VAC14: variants seen among roughly 807,000 people sequenced by gnomAD.
The protein encoded by VAC14 is protein VAC14 homolog.
In VAC14, 47 loss-of-function variants were observed where a neutral mutation model predicts 85.3. That is an observed-to-expected ratio of 0.55 (90% CI 0.44 to 0.70). VAC14 has a LOEUF of 0.70. Among genes scored for constraint, VAC14 ranks in the 30% least tolerant of loss-of-function variants. The probability of loss-of-function intolerance (pLI) is 0.00; values close to 1 mark genes in which losing one functional copy is unlikely to be tolerated. For synonymous variants in VAC14, 447 were observed against 430.5 expected, an observed-to-expected ratio of 1.04 and a Z score of -0.47; for missense variants, 861 against 1,004.3, an observed-to-expected ratio of 0.86 and a Z score of 1.93.
intron 15 of VAC14, among the ~76,000 whole-genome samples, chr16:70,697,492 G>A (rs1445036633): frequency 6.6e-6 from 1 of 152,246 alleles, no homozygotes; most frequent in Non-Finnish European, 1.5e-5. Context: ...GTGGCTGCGA[G>A]GGCCTGGCTG....
intron 10 of VAC14, among the ~76,000 whole-genome samples, chr16:70,767,616 C>A (rs2032917284): frequency 1.3e-5 from 2 of 152,310 alleles, no homozygotes; most frequent in South Asian, 4.1e-4. Context: ...GGGAGGCCAA[C>A]TGCAAAAGTG....
intron 14 of VAC14, among the ~76,000 whole-genome samples, chr16:70,722,425 CA>C (rs2142999199): frequency 6.6e-6 from 1 of 152,366 alleles, no homozygotes; most frequent in Admixed American, 6.5e-5. Context: ...CGGCCTTTCA[CA>C]AACCGCATGC....
chr16:70,761,620 G>A (rs1456465392), intron 12 of VAC14, among the ~76,000 whole-genome samples: 2 of 152,192 alleles, frequency 1.3e-5, no homozygotes, highest in Non-Finnish European at 2.9e-5. Flanking sequence ...GCAGACTCCT[G>A]CCCAGATGAC....
At chr16:70,791,238 C>T (rs1036912370) in intron 1 of VAC14, among the ~76,000 whole-genome samples, 4 of 152,248 alleles carry the variant, frequency 2.6e-5, no homozygotes, top group African/African-American at 9.6e-5. Context: ...AAGTTCAGCT[C>T]AAATCCAACC....
In VAC14 at chr16:70,762,220, A is replaced by G. The variant is rs1425860312; in HGVS notation, c.1371+320T>C. ...CCTCCTGGGTTCAAGCAATTCTCCC[A>G]CCTCAACCTCCTGAGCAGCTGGGAG... On this transcript the variant is annotated intron_variant, in intron 12 of 18. Coordinates refer to ENST00000261776, the MANE Select transcript of VAC14 (RefSeq NM_018052.5). The surrounding 1 kb of genome is among the most constrained non-coding windows in gnomAD (Gnocchi z 4.1). Among the ~76,000 whole-genome samples, 5 of 151,714 alleles carry G rather than the reference A, an allele frequency of 3.3e-5. No homozygotes were observed. Among genetic ancestry groups the G allele is most frequent in the Non-Finnish European group, 5.9e-5 (4 of 67,936 alleles).
At chr16:70,691,473 A>G in intron 18 of VAC14, 1 of 985,380 alleles carries the variant, frequency 1.0e-6, no homozygotes, top group Non-Finnish European at 1.2e-6. Context: ...CCTCTCTCGG[A>G]GTCTCTCGGG....
intron 13 of VAC14, among the ~76,000 whole-genome samples, chr16:70,740,696 A>C (rs1456751785): frequency 1.3e-5 from 2 of 152,302 alleles, no homozygotes; most frequent in African/African-American, 2.4e-5. Flanking sequence ...TCCCTCAGCC[A>C]GCTTCCCTCA....
At chr16:70,756,046 C>T (rs1337595554) in intron 12 of VAC14, 2 of 456,796 alleles carry the variant, frequency 4.4e-6, no homozygotes, top group Admixed American at 2.3e-5. Context: ...AGCTGGCCAA[C>T]CCACCTGACC....
At chr16:70,773,725 C>G (rs2033366270) in intron 9 of VAC14, among the ~76,000 whole-genome samples, 1 of 152,106 alleles carries the variant, frequency 6.6e-6, no homozygotes, top group South Asian at 2.1e-4. Flanking sequence ...CCAGCTGCCC[C>G]TAATGCTAAC....
intron 18 of VAC14, chr16:70,691,759 C>G: frequency 1.0e-6 from 1 of 985,444 alleles, no homozygotes. Context: ...GAGAGCCTAT[C>G]AGGTGCCCCA....
chr16:70,783,164 A>C, intron 6 of VAC14, 25 bp from the exon 7 acceptor site: 2 of 1,609,030 alleles, frequency 1.2e-6, no homozygotes, highest in Non-Finnish European at 1.7e-6. Flanking sequence ...AGGAAAGTGG[A>C]AACAGCGAGG....
At chr16:70,795,850 G>C (rs2034523291) in intron 1 of VAC14, among the ~76,000 whole-genome samples, 2 of 152,208 alleles carry the variant, frequency 1.3e-5, no homozygotes. Flanking sequence ...AGGACCACTA[G>C]AGACTTGACC....
intron 14 of VAC14, among the ~76,000 whole-genome samples, chr16:70,718,317 A>G (rs1371851059): frequency 2.0e-5 from 3 of 152,058 alleles, no homozygotes; most frequent in Admixed American, 6.5e-5. Flanking sequence ...TCACGCCTGT[A>G]ATCCCAGCAC....
intron 14 of VAC14, among the ~76,000 whole-genome samples, chr16:70,720,794 T>C (rs1027339411): frequency 6.6e-5 from 10 of 152,252 alleles, no homozygotes; most frequent in African/African-American, 2.4e-4. Context: ...TCCGCCCATG[T>C]GGTCTGGAGC....
At chr16:70,736,150 C>A (rs1216917159) in intron 13 of VAC14, among the ~76,000 whole-genome samples, 2 of 152,170 alleles carry the variant, frequency 1.3e-5, no homozygotes, top group African/African-American at 4.8e-5. Flanking sequence ...CTCACAGGGG[C>A]AGTAGGAAGC....
rs2033914230 is a variant in VAC14, at chr16:70,783,564, G to T, written c.595-10C>A. 6.2e-7 allele frequency: 1 copy of T among 1,612,904 alleles called. No individual in the cohort carries two copies. Among genetic ancestry groups the T allele is most frequent in the Non-Finnish European group, 8.5e-7 (1 of 1,179,794 alleles). On this transcript the variant is annotated splice_polypyrimidine_tract_variant and intron_variant, in intron 5 of 18. Transcript: ENST00000261776. Reference sequence around the variant, plus strand: ...ACTCCAGAACCAGGATCTGACCAGGGGAAGGGAACAGGAGGGGAAGTCAGC... The same window carrying T: ...ACTCCAGAACCAGGATCTGACCAGGTGAAGGGAACAGGAGGGGAAGTCAGC...
At chr16:70,726,029 G>A (rs777556405) in intron 14 of VAC14, among the ~76,000 whole-genome samples, 3 of 152,272 alleles carry the variant, frequency 2.0e-5, no homozygotes, top group Non-Finnish European at 2.9e-5. Context: ...CAGGCAGAGC[G>A]ACTGTCTTCA....
chr16:70,691,492 G>A (rs751212330), intron 18 of VAC14: 1 of 985,454 alleles, frequency 1.0e-6, no homozygotes, highest in Non-Finnish European at 1.2e-6. Flanking sequence ...GGAGCTGACA[G>A]CACTCCGGCC....
At chr16:70,795,238 G>A (rs113266763) in intron 1 of VAC14, among the ~76,000 whole-genome samples, 9 of 152,122 alleles carry the variant, frequency 5.9e-5, no homozygotes, top group African/African-American at 1.7e-4. Context: ...AGGCTGAGGC[G>A]GGTGGATCAC....
Sources: gnomAD v4.1 joint callset for allele counts (sites outside exome capture counted in the v4.1 genomes callset) on GRCh38, gnomAD v4.1.1 for gene constraint, Gnocchi (gnomAD v3.1) non-coding constraint, MANE v1.5 for transcripts, NCBI Gene and HGNC (gene_info 2026-07-23, HGNC 2026-07-21) for gene names.